Variants in PRKN observed in about 807,000 individuals in gnomAD.
PRKN encodes E3 ubiquitin-protein ligase parkin.
Under a neutral mutation model 59.5 loss-of-function variants are expected in PRKN, and 56 were observed. The ratio of observed to expected loss-of-function variants is 0.94; its 90% CI spans 0.76 to 1.18. The LOEUF (loss-of-function observed/expected upper bound fraction) is 1.18, where lower values mean the gene tolerates loss of function less well. PRKN is among the 50% of genes most tolerant of loss of function. PRKN has a pLI of 0.00. For missense variants in PRKN, 657 were observed against 596.4 expected (o/e 1.10, Z -1.06); for synonymous variants, 250 against 222.1 (o/e 1.13, Z -1.12).
chr6:162,461,125 A>T (rs192439424), intron 1 of PRKN, among the ~76,000 whole-genome samples: 2 of 152,158 alleles, frequency 1.3e-5, no homozygotes, highest in East Asian at 3.9e-4. Flanking sequence ...AGATATTACA[A>T]CAGAATTATG....
rs74458812 is a variant in PRKN, at chr6:162,267,941, A to G, written c.172-5176T>C. 1.3e-3 allele frequency among the ~76,000 whole-genome samples: 201 copies of G among 152,326 alleles called. 4 individuals carry two copies. In the East Asian group the frequency reaches 0.037, roughly 28 times the overall value. Reference sequence around the variant, plus strand: ...CATAGTTAAGATCCAAATATTTCAGATTCTTCCAAGCACTTAATAAAGAGT... The same window carrying G: ...CATAGTTAAGATCCAAATATTTCAGGTTCTTCCAAGCACTTAATAAAGAGT... On this transcript the variant is annotated intron_variant, in intron 2 of 11. Transcript: ENST00000366898.
chr6:161,951,636 C>G (rs1779992575), intron 6 of PRKN, among the ~76,000 whole-genome samples: 1 of 152,220 alleles, frequency 6.6e-6, no homozygotes, highest in African/African-American at 2.4e-5. Flanking sequence ...AAATGTTAGG[C>G]TGGGCACAGT....
At chr6:161,722,623 T>G (rs768234978) in intron 7 of PRKN, among the ~76,000 whole-genome samples, 2 of 152,222 alleles carry the variant, frequency 1.3e-5, no homozygotes, top group Non-Finnish European at 2.9e-5. Context: ...CCCCACGAAG[T>G]TGATCCAATT....
intron 2 of PRKN, among the ~76,000 whole-genome samples, chr6:162,394,120 T>A (rs903048977): frequency 6.6e-6 from 1 of 152,182 alleles, no homozygotes; most frequent in Non-Finnish European, 1.5e-5. Context: ...TAACAAACAT[T>A]TACGTATTTG....
intron 4 of PRKN, among the ~76,000 whole-genome samples, chr6:162,080,812 T>C (rs1171241134): frequency 1.3e-5 from 2 of 152,094 alleles, no homozygotes; most frequent in African/African-American, 4.8e-5. Flanking sequence ...CTGTAGCATG[T>C]CATTCTGTCT....
chr6:161,617,854 G>A (rs890767680), intron 7 of PRKN, among the ~76,000 whole-genome samples: 1 of 152,156 alleles, frequency 6.6e-6, no homozygotes, highest in African/African-American at 2.4e-5. Flanking sequence ...ATATGGCCTG[G>A]GCCTTCCTGT....
At chr6:162,072,932 C>T (rs1197349669) in intron 4 of PRKN, among the ~76,000 whole-genome samples, 2 of 152,132 alleles carry the variant, frequency 1.3e-5, no homozygotes. Flanking sequence ...ACAATATCAT[C>T]ATGGAAAGAA....
intron 7 of PRKN, among the ~76,000 whole-genome samples, chr6:161,571,541 GA>G: frequency 6.6e-6 from 1 of 152,322 alleles, no homozygotes; most frequent in Non-Finnish European, 1.5e-5. Flanking sequence ...TTGTTTCAGA[GA>G]GTAGGATTTA....
At chr6:162,018,433 AGAAAAACTAAT>A (rs1478670825) in intron 5 of PRKN, among the ~76,000 whole-genome samples, 1 of 152,258 alleles carries the variant, frequency 6.6e-6, no homozygotes, top group Non-Finnish European at 1.5e-5. Context: ...GGTTAAAATA[AGAAAAACTAAT>A]GATGAGAGGA....
intron 1 of PRKN, among the ~76,000 whole-genome samples, chr6:162,543,496 C>A (rs1562370684): frequency 6.6e-6 from 1 of 152,046 alleles, no homozygotes; most frequent in South Asian, 2.1e-4. Flanking sequence ...CAATCCTAAA[C>A]CCAGGTAGCC....
chr6:162,606,371 CTATCT>C (rs1361940992), intron 1 of PRKN, among the ~76,000 whole-genome samples: 1 of 152,152 alleles, frequency 6.6e-6, no homozygotes, highest in Non-Finnish European at 1.5e-5. Context: ...CACACAAATC[CTATCT>C]TATAATAAAG....
At chr6:162,240,484 C>T (rs1778940564) in intron 3 of PRKN, among the ~76,000 whole-genome samples, 1 of 152,076 alleles carries the variant, frequency 6.6e-6, no homozygotes, top group Non-Finnish European at 1.5e-5. Flanking sequence ...TGGCTACCTA[C>T]TGATTAGAAG....
At chr6:162,516,091 C>T (rs1777842384) in intron 1 of PRKN, among the ~76,000 whole-genome samples, 1 of 152,190 alleles carries the variant, frequency 6.6e-6, no homozygotes, top group Non-Finnish European at 1.5e-5. Flanking sequence ...CCCTCCCAGT[C>T]GCCAGTTCCG....
At chr6:161,832,003 C>G (rs1315984331) in intron 6 of PRKN, among the ~76,000 whole-genome samples, 1 of 152,210 alleles carries the variant, frequency 6.6e-6, no homozygotes, top group Non-Finnish European at 1.5e-5. Context: ...GTCTGGCTGT[C>G]TTGTTTCTGT....
In PRKN at chr6:162,665,227, G is replaced by C. The variant is rs531450735; in HGVS notation, c.7+62435C>G. On this transcript the variant is annotated intron_variant, in intron 1 of 11. Transcript: ENST00000366898. ...GAAATAAAGGGTATTCAAATGGGAA[G>C]ACAGGAAGTCAAGTTGTCTCTGTTT... Among the ~76,000 whole-genome samples the C allele has an allele frequency of 2.0e-5, 3 of 152,162 alleles. No individual in the cohort carries two copies. In the East Asian group the frequency reaches 5.8e-4, roughly 30 times the overall value.
intron 7 of PRKN, among the ~76,000 whole-genome samples, chr6:161,614,396 A>G (rs1005958456): frequency 6.6e-5 from 10 of 152,366 alleles, no homozygotes; most frequent in African/African-American, 2.4e-4. Flanking sequence ...AACAACAAAG[A>G]GAAACAGATT....
intron 6 of PRKN, among the ~76,000 whole-genome samples, chr6:161,898,555 G>A (rs968944862): frequency 4.6e-5 from 7 of 152,166 alleles, no homozygotes; most frequent in Non-Finnish European, 1.0e-4. Flanking sequence ...GGAAAACGCT[G>A]TGGCTGAAGT....
intron 1 of PRKN, among the ~76,000 whole-genome samples, chr6:162,645,315 C>T (rs533946645): frequency 6.6e-6 from 1 of 152,144 alleles, no homozygotes; most frequent in East Asian, 1.9e-4. Context: ...AGACAGGGTA[C>T]CCAAACTAAA....
At chr6:161,771,962 G>T (rs9458363) in intron 7 of PRKN, among the ~76,000 whole-genome samples, 58,600 of 151,976 alleles carry the variant, frequency 0.39, 11,396 homozygotes, top group South Asian at 0.52. Flanking sequence ...TGAAGTCTCA[G>T]TAACACAAGA....
Sources: allele counts gnomAD v4.1 joint callset (sites outside exome capture counted in the v4.1 genomes callset), GRCh38; gene constraint gnomAD v4.1.1; transcripts MANE v1.5; gene names NCBI Gene and HGNC (gene_info 2026-07-23, HGNC 2026-07-21).